The following ATP11A variants were observed in gnomAD, a reference collection of about 807,000 sequenced individuals.
ATP11A encodes phospholipid-transporting ATPase IH.
In ATP11A, 81 loss-of-function variants were observed where a neutral mutation model predicts 154.4. The observed-to-expected ratio is 0.52, with a 90% confidence interval of 0.44 to 0.63. ATP11A has a LOEUF of 0.63. ATP11A is among the 30% of genes least tolerant of loss of function. ATP11A has a pLI of 0.00. For missense variants in ATP11A, 1,316 were observed against 1,474.3 expected (o/e 0.89, Z 1.76); for synonymous variants, 623 against 585.9 (o/e 1.06, Z -0.91).
chr13:112,766,510 G>A (rs1295377629), intron 1 of ATP11A, among the ~76,000 whole-genome samples: 1 of 152,120 alleles, frequency 6.6e-6, no homozygotes, highest in East Asian at 2.0e-4. Context: ...GGTGCGTCCC[G>A]GCTGAATCTA....
chr13:112,819,522 A>G, intron 7 of ATP11A, 115 bp downstream of exon 7: 1 of 840,086 alleles, frequency 1.2e-6, no homozygotes, highest in South Asian at 1.6e-5. Flanking sequence ...AATGTAAATC[A>G]CTGCTTAAAG....
At position 112,857,834 on chromosome 13, in the gene ATP11A, A is replaced by C; in HGVS notation, c.2435A>C (p.Lys812Thr). 6.2e-7 allele frequency: 1 copy of C among 1,614,158 alleles called. No individual in the cohort carries two copies. Among genetic ancestry groups the C allele is most frequent in the Non-Finnish European group, 8.5e-7 (1 of 1,179,970 alleles). Residue 812 changes from lysine (K) to threonine (T), a missense_variant, in exon 21 of 30, where the codon AAA (lysine) becomes ACA (threonine). This residue lies in a region of ATP11A where 876 missense variants were observed against 1,006.8 expected (regional missense o/e 0.87). Transcript: ENST00000375645. The part of the protein sequence containing the change: ...LQKAQIVKLI[K>T]FSKEHPITLA... ...CTTTTGCAGATTGTTAAATTAATCA[A>C]ATTTTCAAAAGAGCACCCAATCACG...
chr13:112,776,888 C>T (rs1026909368), intron 1 of ATP11A, among the ~76,000 whole-genome samples: 34 of 150,866 alleles, frequency 2.3e-4, no homozygotes, highest in African/African-American at 7.8e-4. Context: ...TGAGCCCCCG[C>T]GACCAGCCGA....
Position 112,696,429 on chromosome 13 carries a change from G to A in ATP11A, c.39+5974G>A, listed in dbSNP as rs949951184. Among the ~76,000 whole-genome samples, 4 of 152,056 alleles carry A rather than the reference G, an allele frequency of 2.6e-5. No individual in the cohort carries two copies. The highest frequency in any genetic ancestry group is 7.2e-5 in the African/African-American group (3 of 41,412). ...CAGCAGCCTTTCTGCCTCTGCGCTT[G>A]CCTCCTCCGGTTGGAGCGAGTGACC... On this transcript the variant is annotated intron_variant, in intron 1 of 29. Coordinates refer to ENST00000375645, the MANE Select transcript of ATP11A (RefSeq NM_015205.3). This position sits in a 1 kb window ranked among gnomAD's most constrained non-coding sequence, Gnocchi z 6.2.
chr13:112,738,458 C>T (rs1042800447), intron 1 of ATP11A, among the ~76,000 whole-genome samples: 2 of 152,186 alleles, frequency 1.3e-5, no homozygotes, highest in African/African-American at 2.4e-5. Context: ...GAGTATTGAA[C>T]GAACCTGAGA....
chr13:112,858,517 A>G (rs1594196727), intron 22 of ATP11A: 1 of 449,970 alleles, frequency 2.2e-6, no homozygotes, highest in East Asian at 3.7e-5. Flanking sequence ...AAAATATCAA[A>G]CGCAAAATTG....
At position 112,825,442 on chromosome 13, in the gene ATP11A, G is replaced by A. The variant is rs776655925; in HGVS notation, c.885G>A (p.Ala295=). The change falls in exon 11 of 30, where the codon GCG becomes GCA. Residue 295 remains alanine (A), a synonymous_variant. Coordinates refer to ENST00000375645, the MANE Select transcript of ATP11A (RefSeq NM_015205.3). ...KRSAVEKSMN[A]FLIVYLCILI... ...CCTTTTGTTTTAGATCGATGAATGCGTTCCTCATTGTGTATCTCTGCATTC... is the reference window on the plus strand; with the variant it reads ...CCTTTTGTTTTAGATCGATGAATGCATTCCTCATTGTGTATCTCTGCATTC... 29 of 1,611,262 alleles carry A rather than the reference G, an allele frequency of 1.8e-5. No individual in the cohort carries two copies. In the East Asian group the frequency reaches 2.5e-4, roughly 14 times the overall value.
Position 112,696,774 on chromosome 13 carries a change from C to A in ATP11A, c.39+6319C>A, listed in dbSNP as rs1373299318. 1 of 152,368 alleles carries A rather than the reference C, an allele frequency of 6.6e-6. No individual in the cohort carries two copies. The highest frequency in any genetic ancestry group is 2.4e-5 in the African/African-American group (1 of 41,440). The allele number at this position is 152,368 out of a possible 1,614,324, so 9.4% of individuals were successfully genotyped here. On this transcript the variant is annotated intron_variant, in intron 1 of 29. Transcript: ENST00000375645. The surrounding 1 kb of genome is among the most constrained non-coding windows in gnomAD (Gnocchi z 6.2). ...CCTCCACCTCAGCGACTCCGTGGGG[C>A]TTTTGTGATCCCAGCTGCAGTTAGC...
intron 27 of ATP11A, among the ~76,000 whole-genome samples, chr13:112,874,610 A>G (rs1200606598): frequency 6.6e-6 from 1 of 152,166 alleles, no homozygotes; most frequent in Non-Finnish European, 1.5e-5. Flanking sequence ...CAACCCACTC[A>G]GGATCCCTCA....
chr13:112,807,970 C>T lies in ATP11A; in HGVS notation c.333+1677C>T, dbSNP rs1342725168. Reference sequence around the variant, plus strand: ...TCTGCATTTGTTAAGGATTCCATCCCTCCCGGGACTCTACTGAGCAGGAAA... The same window carrying T: ...TCTGCATTTGTTAAGGATTCCATCCTTCCCGGGACTCTACTGAGCAGGAAA... On this transcript the variant is annotated intron_variant, in intron 4 of 29. Transcript: ENST00000375645. This position sits in a 1 kb window ranked among gnomAD's most constrained non-coding sequence, Gnocchi z 4.5. 6.6e-6 allele frequency among the ~76,000 whole-genome samples: 1 copy of T among 152,154 alleles called. No homozygotes were observed. Among genetic ancestry groups the T allele is most frequent in the East Asian group, 1.9e-4 (1 of 5,184 alleles).
At chr13:112,833,963 G>T (rs118066523) in intron 14 of ATP11A, among the ~76,000 whole-genome samples, 4,942 of 152,300 alleles carry the variant, frequency 0.032, 128 homozygotes, top group Middle Eastern at 0.058. Flanking sequence ...CATCCCCCTG[G>T]TGCCGCGAAG....
chr13:112,842,420 C>T (rs1172633635), intron 17 of ATP11A, 41 bp downstream of exon 17: 3 of 1,405,314 alleles, frequency 2.1e-6, no homozygotes, highest in Non-Finnish European at 3.0e-6. Flanking sequence ...CGGTCAGCTC[C>T]CCTGCTGTCA....
intron 17 of ATP11A, among the ~76,000 whole-genome samples, chr13:112,844,420 G>C (rs1329785098): frequency 1.3e-5 from 2 of 152,186 alleles, no homozygotes; most frequent in African/African-American, 4.8e-5. Context: ...CACACAGGTG[G>C]AGGCTTTGCC....
At chr13:112,819,772 C>G in intron 7 of ATP11A, 128 bp from the exon 8 acceptor site, 1 of 918,970 alleles carries the variant, frequency 1.1e-6, no homozygotes, top group South Asian at 1.4e-5. Context: ...TGGAGCGGGG[C>G]TGCTTTAGCC....
intron 17 of ATP11A, among the ~76,000 whole-genome samples, chr13:112,844,794 GTGTTAGTGGTACTAACCAGTCCAGTTGC>G (rs2079530938): frequency 1.5e-5 from 1 of 65,140 alleles, no homozygotes; most frequent in African/African-American, 1.1e-4. Context: ...CAGTTGCCGG[GTGTTAGTGGTACTAACCAGTCCAGTTGC>G]CGGGTGTTAG....
intron 1 of ATP11A, among the ~76,000 whole-genome samples, chr13:112,713,139 G>A (rs1887958509): frequency 6.6e-6 from 1 of 152,176 alleles, no homozygotes; most frequent in Admixed American, 6.5e-5. Context: ...GCTCACACCT[G>A]GAATCCCAGC....
Position 112,785,308 on chromosome 13 carries a change from C to T in ATP11A, c.162+51C>T, listed in dbSNP as rs368959592. Reference sequence around the variant, plus strand: ...CATAATGTGTCTAAAAAGCAGCTGCCGGGGGGTGTTAGTGCTTCTCGGTTT... The same window carrying T: ...CATAATGTGTCTAAAAAGCAGCTGCTGGGGGGTGTTAGTGCTTCTCGGTTT... On this transcript the variant is annotated intron_variant, in intron 2 of 29. Transcript: ENST00000375645. This position sits in a 1 kb window ranked among gnomAD's most constrained non-coding sequence, Gnocchi z 4.8. 22 of 1,372,626 alleles carry T rather than the reference C, an allele frequency of 1.6e-5. No individual in the cohort carries two copies. In the Admixed American group the frequency reaches 2.0e-4, roughly 13 times the overall value. The allele number at this position is 1,372,626 out of a possible 1,614,324, so 85.0% of individuals were successfully genotyped here. A position where few individuals can be genotyped will look rare whatever the true frequency, so the allele number is the denominator to read the frequency against.
At chr13:112,800,043 A>C (rs912566019) in intron 2 of ATP11A, among the ~76,000 whole-genome samples, 7 of 152,224 alleles carry the variant, frequency 4.6e-5, no homozygotes, top group Non-Finnish European at 7.3e-5. Context: ...CAGTGCTTAG[A>C]GGGAAATTTA....
At chr13:112,719,858 A>G (rs1001075060) in intron 1 of ATP11A, among the ~76,000 whole-genome samples, 1 of 152,216 alleles carries the variant, frequency 6.6e-6, no homozygotes, top group Non-Finnish European at 1.5e-5. Flanking sequence ...GTTGGGGCCT[A>G]GTGCTGGAGC....
Sources: gnomAD v4.1 joint callset for allele counts (sites outside exome capture counted in the v4.1 genomes callset) on GRCh38, gnomAD v4.1.1 for gene constraint, gnomAD v4.1.1 regional missense constraint, Gnocchi (gnomAD v3.1) non-coding constraint, MANE v1.5 for transcripts, NCBI Gene and HGNC (gene_info 2026-07-23, HGNC 2026-07-21) for gene names.